BOP1: variants seen among roughly 807,000 people sequenced by gnomAD.
BOP1 encodes ribosome biogenesis protein BOP1.
In BOP1, 54 loss-of-function variants were observed where a neutral mutation model predicts 82.9. That is an observed-to-expected ratio of 0.65 (90% CI 0.52 to 0.82). The LOEUF is 0.82. Ranked by LOEUF, BOP1 falls within the 40% of genes least tolerant of loss-of-function variation. BOP1 has a pLI of 0.00. For synonymous variants in BOP1, 566 were observed against 451.1 expected (o/e 1.25, Z -3.23); for missense variants, 1,170 against 1,072.0 (o/e 1.09, Z -1.28).
At chr8:144,273,189 G>T (rs973239422) in intron 3 of BOP1, among the ~76,000 whole-genome samples, 69 of 152,286 alleles carry the variant, frequency 4.5e-4, no homozygotes, top group African/African-American at 1.6e-3. Flanking sequence ...CCGGAGGAGC[G>T]GAGGCCGCCA....
chr8:144,269,336 C>G (rs1845451923), intron 3 of BOP1, among the ~76,000 whole-genome samples: 1 of 152,332 alleles, frequency 6.6e-6, no homozygotes, highest in Admixed American at 6.5e-5. Context: ...CTGATGGTGC[C>G]AGGTGCGGGC....
At chr8:144,275,322 C>A (rs890761786) in intron 3 of BOP1, among the ~76,000 whole-genome samples, 20 of 152,186 alleles carry the variant, frequency 1.3e-4, no homozygotes, top group Admixed American at 1.3e-3. Flanking sequence ...TATAGGCAGG[C>A]ACTGCCTCTG....
intron 3 of BOP1, among the ~76,000 whole-genome samples, chr8:144,273,844 C>T (rs1202232734): frequency 6.6e-6 from 1 of 151,692 alleles, no homozygotes; most frequent in Non-Finnish European, 1.5e-5. Context: ...GCGCCTCCTC[C>T]AGGGGCTCCG....
chr8:144,273,148 C>T (rs972803074), intron 3 of BOP1, among the ~76,000 whole-genome samples: 2 of 152,128 alleles, frequency 1.3e-5, no homozygotes, highest in African/African-American at 4.8e-5. Context: ...AGCCTGAGTG[C>T]GCGGGGCCAG....
intron 3 of BOP1, chr8:144,268,230 A>G: frequency 6.5e-7 from 1 of 1,531,034 alleles, no homozygotes; most frequent in Non-Finnish European, 8.8e-7. Flanking sequence ...CTTGGACCTG[A>G]GCTGGGCAAG....
chr8:144,270,228 G>A (rs1845470203), intron 3 of BOP1, among the ~76,000 whole-genome samples: 1 of 152,226 alleles, frequency 6.6e-6, no homozygotes, highest in African/African-American at 2.4e-5. Flanking sequence ...GAATGCAGGA[G>A]GCCAGACAGG....
chr8:144,276,350 C>T, intron 2 of BOP1, 46 bp from the exon 3 acceptor site: 18 of 1,600,838 alleles, frequency 1.1e-5, no homozygotes, highest in Non-Finnish European at 1.4e-5. Context: ...ATACAGGGTA[C>T]CCTTTGACCT....
At chr8:144,263,808 C>G (rs1845294086) in intron 9 of BOP1, 23 bp downstream of exon 9, 17 of 1,609,046 alleles carry the variant, frequency 1.1e-5, no homozygotes, top group Admixed American at 1.7e-5. Flanking sequence ...GGGTGCAACC[C>G]CAGCCCCCTA....
intron 2 of BOP1, chr8:144,281,685 G>A (rs1321191489): frequency 6.6e-6 from 1 of 152,008 alleles, no homozygotes; most frequent in Non-Finnish European, 1.5e-5. Context: ...TCAAGACAGA[G>A]TCCCACTCAC....
chr8:144,265,006 G>A lies in BOP1; in HGVS notation c.456C>T (p.Tyr152=), dbSNP rs1407810280. The part of the protein sequence containing the change: ...EWYDDFPHVG[Y]DLDGRRIYKP... ...TGTAGATGCGCCTGCCATCCAGGTC[G>A]TAGCCCACGTGGGGGAAGTCATCGT... is the stretch of plus-strand genomic sequence containing the variant. Residue 152 remains tyrosine (Y), a synonymous_variant, in exon 4 of 16, where the codon TAC becomes TAT. Transcript: ENST00000569669. 4.4e-5 allele frequency: 71 copies of A among 1,612,256 alleles called. No homozygotes were observed. Among genetic ancestry groups the A allele is most frequent in the Admixed American group, 1.3e-4 (8 of 59,986 alleles).
In BOP1 at chr8:144,263,144, G is replaced by A. The variant is rs782185590; in HGVS notation, c.1606-3C>T. The A allele has an allele frequency of 2.7e-5, 43 of 1,593,684 alleles. No individual in the cohort carries two copies. Among genetic ancestry groups the A allele is most frequent in the African/African-American group, 1.1e-4 (8 of 74,942 alleles). The stretch of plus-strand genomic sequence containing the variant: ...TGCCAGGTCACCTGCGTCACTGGCT[G>A]CAGGAGAGCAAGGCTGGCTGAGTGG... On this transcript the variant is annotated splice_region_variant and splice_polypyrimidine_tract_variant and intron_variant, in intron 12 of 15. Transcript: ENST00000569669.
At position 144,289,077 on chromosome 8, in the gene BOP1, G is replaced by T. The variant is rs201823349; in HGVS notation, c.309+18C>A. 71 of 1,613,688 alleles carry T rather than the reference G, an allele frequency of 4.4e-5. 1 individual carries two copies. In the Middle Eastern group the frequency reaches 3.1e-3, roughly 71 times the overall value. On this transcript the variant is annotated intron_variant, in intron 2 of 15. Transcript: ENST00000569669. Reference sequence around the variant, plus strand: ...GCACATGGGGGACAGCCCTCGAGGGGGCTCCTCGCTCACCCACCTGCACCT... The same window carrying T: ...GCACATGGGGGACAGCCCTCGAGGGTGCTCCTCGCTCACCCACCTGCACCT...
chr8:144,262,472 A>G lies in BOP1; in HGVS notation c.2011T>C (p.Phe671Leu). Residue 671 changes from phenylalanine to leucine, a missense_variant, in exon 15 of 16, where the codon TTC (phenylalanine) becomes CTC (leucine). Transcript: ENST00000569669. ...HHKKALRAVAFHPRYPLFASG... is the reference protein window; with the variant it reads ...HHKKALRAVALHPRYPLFASG... The stretch of plus-strand genomic sequence containing the variant: ...GCAAAGAGTGGGTACCGCGGGTGGA[A>G]GGCCACAGCCCGCAGAGCCTTCTTG... 1.2e-6 allele frequency: 2 copies of G among 1,612,876 alleles called. No homozygotes were observed. Among genetic ancestry groups the G allele is most frequent in the Non-Finnish European group, 1.7e-6 (2 of 1,179,812 alleles).
chr8:144,267,319 C>T (rs1049413457), intron 3 of BOP1: 8 of 1,089,810 alleles, frequency 7.3e-6, no homozygotes, highest in South Asian at 5.3e-5. Context: ...ACAGGCCTGC[C>T]GGGGGCTGGG....
intron 2 of BOP1, among the ~76,000 whole-genome samples, chr8:144,281,495 TTGGCCTTCCCTC>T (rs1845679547): frequency 1.7e-3 from 18 of 10,750 alleles, no homozygotes; most frequent in Middle Eastern, 0.042. Context: ...TACCAGGTCT[TTGGCCTTCCCTC>T]AGTTTAATAC....
At position 144,262,135 on chromosome 8, in the gene BOP1, A is replaced by T. The variant is rs1245641727; in HGVS notation, c.*29T>A. ...TAAAGGCTCTGTTGACTTCAGCACG[A>T]CCACCCCAGCCCCAGGCAGGCAGAA... is the stretch of plus-strand genomic sequence containing the variant. On this transcript the variant is annotated 3_prime_UTR_variant, in exon 16 of 16. Transcript: ENST00000569669. The T allele has an allele frequency of 2.5e-6, 4 of 1,611,038 alleles. No individual in the cohort carries two copies. Among genetic ancestry groups the T allele is most frequent in the Non-Finnish European group, 3.4e-6 (4 of 1,179,790 alleles).
intron 3 of BOP1, chr8:144,268,355 G>A (rs1021553585): frequency 9.5e-6 from 6 of 633,428 alleles, no homozygotes; most frequent in East Asian, 8.4e-5. Context: ...GCACCTGCCC[G>A]GGCCCACTGG....
In BOP1 at chr8:144,291,037, G is replaced by A. The variant is rs1815051560; in HGVS notation, c.99+235C>T. On this transcript the variant is annotated intron_variant, in intron 1 of 15. Transcript: ENST00000569669. The surrounding 1 kb of genome is among the most constrained non-coding windows in gnomAD (Gnocchi z 4.1). ...ACGGCTGGAGAGGCTGCTGCAAGGGGCGCCCCGTCCCCACTCCCCGCTCCC... is the reference window on the plus strand; with the variant it reads ...ACGGCTGGAGAGGCTGCTGCAAGGGACGCCCCGTCCCCACTCCCCGCTCCC... 6.6e-6 allele frequency among the ~76,000 whole-genome samples: 1 copy of A among 152,190 alleles called. No homozygotes were observed. The highest frequency in any genetic ancestry group is 1.5e-5 in the Non-Finnish European group (1 of 68,026).
intron 3 of BOP1, chr8:144,266,622 C>A: frequency 8.2e-7 from 1 of 1,215,970 alleles, no homozygotes; most frequent in Non-Finnish European, 1.0e-6. Flanking sequence ...CCATGTCCTT[C>A]GCCACGCTGC....
Sources: gnomAD v4.1 joint callset for allele counts (sites outside exome capture counted in the v4.1 genomes callset) on GRCh38, gnomAD v4.1.1 for gene constraint, Gnocchi (gnomAD v3.1) non-coding constraint, MANE v1.5 for transcripts, NCBI Gene and HGNC (gene_info 2026-07-23, HGNC 2026-07-21) for gene names.